The following FATE1 variants were observed in gnomAD, a reference collection of about 807,000 sequenced individuals.
FATE1 encodes fetal and adult testis-expressed transcript protein.
Under a neutral mutation model 16.0 loss-of-function variants are expected in FATE1, and 18 were observed. That is an observed-to-expected ratio of 1.12 (90% CI 0.78 to 1.66). The LOEUF (loss-of-function observed/expected upper bound fraction) is 1.66. Among genes scored for constraint, FATE1 ranks in the 40% most tolerant of loss-of-function variants. The pLI, the probability that FATE1 is intolerant of heterozygous loss-of-function variation, is 0.00. For synonymous variants in FATE1, 76 were observed against 56.9 expected (o/e 1.34, Z -1.51); for missense variants, 169 against 152.7 (o/e 1.11, Z -0.56).
At chrX:151,716,632 C>T (rs767401760) in intron 1 of FATE1, among the ~76,000 whole-genome samples, 1 of 112,108 alleles carries the variant, frequency 8.9e-6, no homozygotes, top group South Asian at 3.8e-4. Context: ...CTCCTCAAAA[C>T]GTTTCATGCT....
chrX:151,716,178 T>C lies in FATE1; in HGVS notation c.59T>C (p.Leu20Pro), dbSNP rs2015057686. 6 of 1,167,865 alleles carry C rather than the reference T, an allele frequency of 5.1e-6. No individual in the cohort carries two copies. In the East Asian group the frequency reaches 1.6e-4, roughly 32 times the overall value. Residue 20 changes from leucine (L) to proline (P), a missense_variant, in exon 1 of 5, where the codon CTG (leucine) becomes CCG (proline). Transcript: ENST00000370350. The part of the protein sequence containing the change: ...AEMEMSLAEE[L>P]NHGRQGENQE... ...ATGGAAATGTCCCTGGCAGAAGAACTGAATCATGGACGCCAAGGGGAAAAC... is the reference window on the plus strand; with the variant it reads ...ATGGAAATGTCCCTGGCAGAAGAACCGAATCATGGACGCCAAGGGGAAAAC...
In FATE1 at chrX:151,717,287, G is replaced by T. The variant is rs774464435; in HGVS notation, c.122G>T (p.Gly41Val). The change falls in exon 2 of 5, where the codon GGA becomes GTA. Residue 41 changes from glycine to valine, a missense_variant. Coordinates refer to ENST00000370350, the MANE Select transcript of FATE1 (RefSeq NM_033085.3). ...HLVIAEMMELGSRSRGASQKK... is the reference protein window; with the variant it reads ...HLVIAEMMELVSRSRGASQKK... ...TTCTCTCTAGAAATGATGGAGCTTG[G>T]ATCTCGGTCCCGGGGTGCCTCCCAG... 8.3e-7 allele frequency: 1 copy of T among 1,206,770 alleles called. No individual in the cohort carries two copies. Among genetic ancestry groups the T allele is most frequent in the Non-Finnish European group, 1.1e-6 (1 of 892,247 alleles).
chrX:151,721,524 C>T (rs1371566076), intron 3 of FATE1, 23 bp downstream of exon 3: 3 of 1,175,671 alleles, frequency 2.6e-6, no homozygotes, highest in South Asian at 3.6e-5. Flanking sequence ...GGTCTGTGGG[C>T]CCTGGCTGCT....
In FATE1 at chrX:151,717,282, G is replaced by A. The variant is rs2015069716; in HGVS notation, c.117G>A (p.Glu39=). The A allele has an allele frequency of 8.3e-7, 1 of 1,206,047 alleles. No homozygotes were observed. The highest frequency in any genetic ancestry group is 2.2e-5 in the Admixed American group (1 of 45,852). ...QEHLVIAEMM[E]LGSRSRGASQ... ...TGTTCTTCTCTCTAGAAATGATGGA[G>A]CTTGGATCTCGGTCCCGGGGTGCCT... Residue 39 remains glutamate (E), a synonymous_variant, in exon 2 of 5, where the codon GAG becomes GAA. Coordinates refer to ENST00000370350, the MANE Select transcript of FATE1 (RefSeq NM_033085.3).
chrX:151,722,261 A>G (rs1306929584), intron 4 of FATE1, among the ~76,000 whole-genome samples: 5 of 111,904 alleles, frequency 4.5e-5, no homozygotes, highest in South Asian at 7.6e-4. Context: ...TTCTATGTCC[A>G]GAGAGAGAGT....
chrX:151,721,131 A>T (rs1411569357), intron 2 of FATE1, among the ~76,000 whole-genome samples: 1 of 112,763 alleles, frequency 8.9e-6, no homozygotes, highest in Non-Finnish European at 1.9e-5. Flanking sequence ...TGCAGAGGAC[A>T]GGGACCCCTG....
intron 2 of FATE1, among the ~76,000 whole-genome samples, chrX:151,718,845 T>TG (rs776619770): frequency 9.3e-6 from 1 of 107,751 alleles, no homozygotes; most frequent in East Asian, 3.0e-4. Flanking sequence ...TGAAAGTTAC[T>TG]GGGGGGCAAT....
rs989318332 is a variant in FATE1, at chrX:151,722,562, A to G, written c.421-66A>G. Reference sequence around the variant, plus strand: ...CTTGCTCTAACTTTATGCTTTTCCCATGGCTGTGCTGTGGGCTTCTGGAGA... The same window carrying G: ...CTTGCTCTAACTTTATGCTTTTCCCGTGGCTGTGCTGTGGGCTTCTGGAGA... On this transcript the variant is annotated intron_variant, in intron 4 of 4. Coordinates refer to ENST00000370350, the MANE Select transcript of FATE1 (RefSeq NM_033085.3). The G allele has an allele frequency of 4.2e-6, 5 of 1,200,655 alleles. No individual in the cohort carries two copies. In the African/African-American group the frequency reaches 5.2e-5, roughly 13 times the overall value.
intron 2 of FATE1, among the ~76,000 whole-genome samples, 164 bp downstream of exon 2, chrX:151,717,563 A>G (rs759141037): frequency 8.9e-6 from 1 of 112,110 alleles, no homozygotes; most frequent in South Asian, 3.8e-4. Context: ...GTTCCAATTA[A>G]AGGTCAGGGT....
At chrX:151,719,422 T>C (rs1177704659) in intron 2 of FATE1, among the ~76,000 whole-genome samples, 1 of 112,218 alleles carries the variant, frequency 8.9e-6, no homozygotes, top group East Asian at 2.8e-4. Context: ...CAACAAACTA[T>C]GTTATCTGAA....
intron 2 of FATE1, among the ~76,000 whole-genome samples, chrX:151,720,094 G>T (rs2015101879): frequency 1.8e-5 from 2 of 111,815 alleles, no homozygotes; most frequent in South Asian, 3.8e-4. Context: ...TTGGCTTGGC[G>T]GTAAGTGCCT....
chrX:151,719,505 G>A (rs999901929), intron 2 of FATE1, among the ~76,000 whole-genome samples: 2 of 111,578 alleles, frequency 1.8e-5, no homozygotes, highest in African/African-American at 6.5e-5. Flanking sequence ...AATTTTTTTT[G>A]TCCTTCTGAT....
chrX:151,720,728 A>G (rs957550022), intron 2 of FATE1, among the ~76,000 whole-genome samples: 3 of 112,033 alleles, frequency 2.7e-5, no homozygotes, highest in African/African-American at 9.7e-5. Context: ...CTTGTGAAAC[A>G]TTTCATCTTG....
intron 4 of FATE1, among the ~76,000 whole-genome samples, chrX:151,722,193 T>C (rs181866870): frequency 9.0e-6 from 1 of 110,987 alleles, no homozygotes; most frequent in East Asian, 2.9e-4. Context: ...CCTGAGATGC[T>C]GGTAGGGAAT....
At chrX:151,719,552 T>C (rs1356553911) in intron 2 of FATE1, among the ~76,000 whole-genome samples, 7 of 112,234 alleles carry the variant, frequency 6.2e-5, no homozygotes, top group Admixed American at 4.7e-4. Flanking sequence ...GGTCTGAAAA[T>C]TTTTCTAAGA....
Position 151,717,411 on chromosome X carries a change from G to A in FATE1, c.234+12G>A, listed in dbSNP as rs758854056. The A allele has an allele frequency of 1.8e-5, 21 of 1,191,873 alleles. No homozygotes were observed. The East Asian group carries it at 6.1e-4, about 35-fold the overall frequency. The stretch of plus-strand genomic sequence containing the variant: ...GACCCAAGAAAATGGTACTGTATGG[G>A]GTCCTCAGCACTTGGTGGCCAGGTT... On this transcript the variant is annotated intron_variant, in intron 2 of 4. Coordinates refer to ENST00000370350, the MANE Select transcript of FATE1 (RefSeq NM_033085.3).
rs757520639 is a variant in FATE1 at position 151,722,763 on chromosome X, C to T, written c.*4C>T. Reference sequence around the variant, plus strand: ...GTGGCTGTGGATGAACCAGTGATCGCCCCAGCGCGGCCTCCGTATTGGAGC... The same window carrying T: ...GTGGCTGTGGATGAACCAGTGATCGTCCCAGCGCGGCCTCCGTATTGGAGC... On this transcript the variant is annotated 3_prime_UTR_variant, in exon 5 of 5. Transcript: ENST00000370350. 4 of 1,199,685 alleles carry T rather than the reference C, an allele frequency of 3.3e-6. No homozygotes were observed. The highest frequency in any genetic ancestry group is 1.8e-5 in the African/African-American group (1 of 57,137).
intron 2 of FATE1, among the ~76,000 whole-genome samples, chrX:151,718,563 T>G (rs184567358): frequency 1.8e-5 from 2 of 112,401 alleles, no homozygotes; most frequent in East Asian, 5.6e-4. Context: ...GCAACAAGAT[T>G]GGAGAGGGAG....
Position 151,722,932 on chromosome X carries a change from C to A in FATE1, c.*173C>A. The A allele has an allele frequency of 1.8e-6, 1 of 566,785 alleles. No homozygotes were observed. The highest frequency in any genetic ancestry group is 2.7e-6 in the Non-Finnish European group (1 of 374,075). The allele number at this position is 566,785 out of a possible 1,213,427, so 46.7% of individuals were successfully genotyped here. On this transcript the variant is annotated 3_prime_UTR_variant, in exon 5 of 5. Transcript: ENST00000370350. ...TACCTGGGGAGGCCAGGTCACTGCA[C>A]TGGGAGGTCCTGGCTGCTGCGAAGC...
Sources: gnomAD v4.1 joint callset for allele counts (sites outside exome capture counted in the v4.1 genomes callset) on GRCh38, gnomAD v4.1.1 for gene constraint, MANE v1.5 for transcripts, NCBI Gene and HGNC (gene_info 2026-07-23, HGNC 2026-07-21) for gene names.